Variants in MCUB observed in about 807,000 individuals in gnomAD.
MCUB encodes the protein mitochondrial calcium uniporter dominant negative subunit beta.
A neutral mutation model predicts 41.4 loss-of-function variants in MCUB; 46 were observed. That is an observed-to-expected ratio of 1.11 (90% confidence interval 0.88 to 1.42). MCUB has a LOEUF of 1.42. MCUB is among the 40% of genes most tolerant of loss of function. The pLI is 0.00. For synonymous variants in MCUB, 148 were observed against 148.2 expected, an observed-to-expected ratio of 1.00 and a Z score of 0.01; for missense variants, 403 against 404.9, an observed-to-expected ratio of 1.00 and a Z score of 0.04.
chr4:109,653,215 A>C (rs1419276107), intron 1 of MCUB, among the ~76,000 whole-genome samples: 1 of 152,064 alleles, frequency 6.6e-6, no homozygotes, highest in African/African-American at 2.4e-5. Context: ...GTCTCTACTA[A>C]AAATACACAA....
chr4:109,643,000 G>T (rs965749708), intron 1 of MCUB, among the ~76,000 whole-genome samples: 2 of 146,226 alleles, frequency 1.4e-5, no homozygotes, highest in Non-Finnish European at 3.0e-5. Flanking sequence ...TCACTGTGTT[G>T]GCCAGGCTTG....
chr4:109,562,633 T>A (rs1349070249), intron 1 of MCUB, among the ~76,000 whole-genome samples: 1 of 152,202 alleles, frequency 6.6e-6, no homozygotes. Context: ...TTCAGACCCC[T>A]AGAGCCTATG....
At chr4:109,605,508 G>A (rs528992683) in intron 1 of MCUB, among the ~76,000 whole-genome samples, 23 of 152,262 alleles carry the variant, frequency 1.5e-4, no homozygotes, top group Admixed American at 1.1e-3. Context: ...TTCTATAGCC[G>A]TTGGATGAAA....
Position 109,682,664 on chromosome 4 carries a change from A to T in MCUB, c.534A>T (p.Glu178Asp). Residue 178 changes from glutamate to aspartate, a missense_variant, in exon 5 of 8, where the codon GAA becomes GAT. Coordinates refer to ENST00000394650, the MANE Select transcript of MCUB (RefSeq NM_017918.5). ...VHRLFTILHL[E>D]ESQKKREHHL... The stretch of plus-strand genomic sequence containing the variant: ...GACTATTTACAATCTTGCATTTAGA[A>T]GAGTCTCAGAAAAAGAGAGAGCACC... 1 of 1,613,166 alleles carries T rather than the reference A, an allele frequency of 6.2e-7. No homozygotes were observed.
At chr4:109,682,362 G>A (rs1264209408) in intron 4 of MCUB, among the ~76,000 whole-genome samples, 2 of 150,278 alleles carry the variant, frequency 1.3e-5, no homozygotes, top group South Asian at 4.2e-4. Context: ...CTGCTCTTCA[G>A]ATCCACACTT....
chr4:109,667,915 G>A (rs563619112), intron 4 of MCUB, among the ~76,000 whole-genome samples: 2 of 151,674 alleles, frequency 1.3e-5, no homozygotes, highest in South Asian at 2.1e-4. Context: ...TGTGTTAGAA[G>A]TACATTATTT....
intron 1 of MCUB, among the ~76,000 whole-genome samples, chr4:109,649,051 T>G (rs1245346705): frequency 1.3e-5 from 2 of 152,226 alleles, no homozygotes; most frequent in Admixed American, 6.5e-5. Flanking sequence ...TCTTATTCCT[T>G]GTTCGTGTTA....
Position 109,682,759 on chromosome 4 carries a change from G to T in MCUB, c.612+17G>T, listed in dbSNP as rs768038679. 7.5e-6 allele frequency: 12 copies of T among 1,591,226 alleles called. No homozygotes were observed. In the South Asian group the frequency reaches 1.1e-4, roughly 15 times the overall value. ...CTTGAACAGGTTAGGAAGCATCACG[G>T]TTGAGTATATTTGAAAATAATACCT... On this transcript the variant is annotated intron_variant, in intron 5 of 7. Transcript: ENST00000394650.
At chr4:109,648,548 A>C in intron 1 of MCUB, 1 of 410,926 alleles carries the variant, frequency 2.4e-6, no homozygotes, top group South Asian at 1.8e-5. Context: ...ATTTATTTTC[A>C]CAGTGATGAT....
In MCUB at chr4:109,684,499, T is replaced by A. The variant is rs972986122; in HGVS notation, c.669T>A (p.Ala223=). Residue 223 remains alanine, a synonymous_variant, in exon 6 of 8, where the codon GCT becomes GCA. Coordinates refer to ENST00000394650, the MANE Select transcript of MCUB (RefSeq NM_017918.5). ...SEAKTSGLLW[A]GLALLSIQGG... The stretch of plus-strand genomic sequence containing the variant: ...CCAAAACCAGTGGACTCCTGTGGGC[T>A]GGATTGGCACTGCTGTCCATTCAGG... 49 of 1,613,964 alleles carry A rather than the reference T, an allele frequency of 3.0e-5. No individual in the cohort carries two copies. Among genetic ancestry groups the A allele is most frequent in the Non-Finnish European group, 4.1e-5 (48 of 1,180,004 alleles).
At position 109,682,713 on chromosome 4, in the gene MCUB, C is replaced by A; in HGVS notation, c.583C>A (p.Leu195Met). The A allele has an allele frequency of 1.2e-6, 2 of 1,613,782 alleles. No homozygotes were observed. The highest frequency in any genetic ancestry group is 1.7e-6 in the Non-Finnish European group (2 of 1,179,724). The stretch of plus-strand genomic sequence containing the variant: ...CCATTTACTGGAGAAAATTGACCAC[C>A]TGAAGGAACAGCTGCAGCCCCTTGA... ...EHHLLEKIDHLKEQLQPLEQV... is the reference protein window; with the variant it reads ...EHHLLEKIDHMKEQLQPLEQV... Residue 195 changes from leucine to methionine, a missense_variant, in exon 5 of 8, where the codon CTG (leucine) becomes ATG (methionine). Leu to Met is a conservative substitution (Grantham distance 15). Transcript: ENST00000394650.
intron 1 of MCUB, among the ~76,000 whole-genome samples, chr4:109,587,670 C>T (rs1229240713): frequency 1.3e-5 from 2 of 152,044 alleles, no homozygotes; most frequent in African/African-American, 4.8e-5. Flanking sequence ...AGAATATTAT[C>T]TTTAAAAAAA....
intron 1 of MCUB, among the ~76,000 whole-genome samples, chr4:109,642,467 G>GT (rs1170584509): frequency 3.9e-5 from 6 of 152,088 alleles, no homozygotes; most frequent in Non-Finnish European, 8.8e-5. Context: ...AGAAGTAATT[G>GT]TTTTTATTTA....
At chr4:109,597,358 G>A (rs1727585021) in intron 1 of MCUB, among the ~76,000 whole-genome samples, 2 of 148,174 alleles carry the variant, frequency 1.3e-5, no homozygotes, top group African/African-American at 2.5e-5. Context: ...GGCCGGGCGG[G>A]GGGCTGACCC....
In MCUB at chr4:109,589,550, C is replaced by T. The variant is rs1727382973; in HGVS notation, c.99+29114C>T. ...AAATAACATTCGTTTTACTTGCCATCCTCCGTGCTGGGATGTGGAAACGGA... is the reference window on the plus strand; with the variant it reads ...AAATAACATTCGTTTTACTTGCCATTCTCCGTGCTGGGATGTGGAAACGGA... On this transcript the variant is annotated intron_variant, in intron 1 of 7. Transcript: ENST00000394650. Among the ~76,000 whole-genome samples the T allele has an allele frequency of 2.0e-5, 3 of 152,148 alleles. No individual in the cohort carries two copies. The South Asian group carries it at 6.2e-4, about 32-fold the overall frequency.
intron 1 of MCUB, among the ~76,000 whole-genome samples, chr4:109,573,635 A>C (rs1726964765): frequency 6.6e-6 from 1 of 152,182 alleles, no homozygotes; most frequent in African/African-American, 2.4e-5. Flanking sequence ...TCTAGAAGCT[A>C]GTATGGCTCC....
intron 1 of MCUB, among the ~76,000 whole-genome samples, chr4:109,628,123 GC>G (rs1362595769): frequency 2.0e-5 from 3 of 152,178 alleles, no homozygotes; most frequent in African/African-American, 7.2e-5. Context: ...TCTTGAGGAG[GC>G]AACATTTGAG....
intron 1 of MCUB, among the ~76,000 whole-genome samples, chr4:109,618,680 T>C (rs1728180402): frequency 6.6e-6 from 1 of 152,192 alleles, no homozygotes; most frequent in Admixed American, 6.5e-5. Flanking sequence ...TGGGCCAAAG[T>C]TAAGTAGAAC....
intron 1 of MCUB, among the ~76,000 whole-genome samples, chr4:109,585,255 G>C (rs772561254): frequency 7.2e-5 from 11 of 152,140 alleles, no homozygotes; most frequent in Non-Finnish European, 1.6e-4. Context: ...TTTTATCAGA[G>C]ACTAGGATTG....
Sources: gnomAD v4.1 joint callset for allele counts (sites outside exome capture counted in the v4.1 genomes callset) on GRCh38, gnomAD v4.1.1 for gene constraint, MANE v1.5 for transcripts, NCBI Gene and HGNC (gene_info 2026-07-23, HGNC 2026-07-21) for gene names.